The following HYDIN variants were observed in gnomAD, a reference collection of about 807,000 sequenced individuals.
The protein encoded by HYDIN is HYDIN axonemal central pair apparatus protein, also known as axonemal central pair apparatus protein HYDIN.
A neutral mutation model predicts 403.9 loss-of-function variants in HYDIN; 132 were observed. The ratio of observed to expected loss-of-function variants is 0.33; its 90% confidence interval spans 0.28 to 0.38. The LOEUF is 0.38. HYDIN is among the 10% of genes least tolerant of loss of function. HYDIN has a pLI of 1.00. For synonymous variants in HYDIN, 1,202 were observed against 1,891.7 expected, an observed-to-expected ratio of 0.64 and a Z score of 9.46; for missense variants, 2,827 against 5,009.5, an observed-to-expected ratio of 0.56 and a Z score of 13.15.
chr16:70,828,825 A>G (rs537682941), intron 81 of HYDIN, among the ~76,000 whole-genome samples: 91 of 151,936 alleles, frequency 6.0e-4, no homozygotes, highest in Non-Finnish European at 1.1e-3. Context: ...AAATAGAAAA[A>G]TGCTACTGCT....
At chr16:71,010,217 C>T (rs2080035178) in intron 23 of HYDIN, among the ~76,000 whole-genome samples, 1 of 151,472 alleles carries the variant, frequency 6.6e-6, no homozygotes, top group South Asian at 2.1e-4. Flanking sequence ...CCTCTGGCCC[C>T]AGGGCTAAAT....
chr16:71,076,138 G>T (rs1464256816), intron 13 of HYDIN: 1 of 172,370 alleles, frequency 5.8e-6, no homozygotes, highest in Non-Finnish European at 1.3e-5. Context: ...ATACCTCAAT[G>T]GCTATGAAGG....
rs1478889210 is a variant in HYDIN, at chr16:70,805,222, G to A, written c.*2358C>T. Among the ~76,000 whole-genome samples, 1 of 152,186 alleles carries A rather than the reference G, an allele frequency of 6.6e-6. No individual in the cohort carries two copies. The highest frequency in any genetic ancestry group is 2.4e-5 in the African/African-American group (1 of 41,436). ...TGAAAGAGTTATGGCTGTGGGTTTG[G>A]CAAATGTCAAGTTTTGCCAGGTACC... On this transcript the variant is annotated 3_prime_UTR_variant, in exon 86 of 86. Transcript: ENST00000393567.
intron 5 of HYDIN, among the ~76,000 whole-genome samples, chr16:71,172,985 T>A (rs773896859): frequency 1.6e-4 from 25 of 152,222 alleles, no homozygotes; most frequent in Non-Finnish European, 1.3e-4. Flanking sequence ...CCCTAGCAGG[T>A]CATTCTGCGC....
At chr16:71,164,736 T>C (rs1426790325) in intron 5 of HYDIN, among the ~76,000 whole-genome samples, 3 of 108,122 alleles carry the variant, frequency 2.8e-5, no homozygotes. Flanking sequence ...TGAATGTCAC[T>C]GCCTGCTACT....
At chr16:71,122,600 C>T (rs188675731) in intron 9 of HYDIN, among the ~76,000 whole-genome samples, 3 of 77,334 alleles carry the variant, frequency 3.9e-5, no homozygotes, top group Non-Finnish European at 4.9e-5. Flanking sequence ...ATCTGGACTT[C>T]CACCCAACCT....
chr16:70,853,412 A>G (rs1475948953), intron 73 of HYDIN, among the ~76,000 whole-genome samples: 2 of 150,348 alleles, frequency 1.3e-5, no homozygotes, highest in South Asian at 2.1e-4. Flanking sequence ...TGTACATGAA[A>G]GTTTATAGTA....
At chr16:71,032,161 T>C (rs183433891) in intron 18 of HYDIN, among the ~76,000 whole-genome samples, 76 of 152,272 alleles carry the variant, frequency 5.0e-4, no homozygotes, top group African/African-American at 1.6e-3. Context: ...TTTACATCTC[T>C]TTCGCAAGAT....
chr16:71,152,928 T>C, intron 6 of HYDIN, 145 bp from the exon 7 acceptor site: 1 of 634,102 alleles, frequency 1.6e-6, no homozygotes, highest in Non-Finnish European at 2.7e-6. Flanking sequence ...AGACTTTTGC[T>C]ACCTAATGTG....
intron 23 of HYDIN, among the ~76,000 whole-genome samples, chr16:71,017,287 T>C (rs2080294257): frequency 6.7e-6 from 1 of 149,454 alleles, no homozygotes; most frequent in African/African-American, 2.5e-5. Flanking sequence ...GAGGCAGAGG[T>C]TGCAGTGAGC....
chr16:70,984,715 T>C (rs116991838), intron 28 of HYDIN, among the ~76,000 whole-genome samples: 1 of 136,762 alleles, frequency 7.3e-6, no homozygotes, highest in African/African-American at 3.1e-5. Flanking sequence ...ATTTTCATAA[T>C]GAGAAAAATT....
intron 25 of HYDIN, among the ~76,000 whole-genome samples, chr16:70,989,723 TC>T (rs2079284471): frequency 6.6e-6 from 1 of 152,222 alleles, no homozygotes. Context: ...AAGACTTCTA[TC>T]CCTACAGTTC....
At chr16:70,962,743 C>T (rs1247064516) in intron 37 of HYDIN, among the ~76,000 whole-genome samples, 1 of 146,484 alleles carries the variant, frequency 6.8e-6, no homozygotes, top group Non-Finnish European at 1.5e-5. Flanking sequence ...TACTACAGGG[C>T]AAGACATTCC....
At chr16:71,066,920 A>G (rs776737088) in intron 15 of HYDIN, 2 of 610,686 alleles carry the variant, frequency 3.3e-6, no homozygotes, top group South Asian at 3.0e-5. Flanking sequence ...TTCCTATTGC[A>G]TAACTCTGGA....
rs756118481 is a variant in HYDIN, at chr16:70,837,812, A to T, written c.13120T>A (p.Leu4374Met). The change falls in exon 77 of 86, where the codon TTG (leucine) becomes ATG (methionine). Residue 4374 changes from leucine to methionine, a missense_variant. Coordinates refer to ENST00000393567, the MANE Select transcript of HYDIN (RefSeq NM_001270974.2). ...GGATAAAAAGTTATTGGAATCTCCAATGTGTTTCCTGGCTTTACCACATCA... is the reference window on the plus strand; with the variant it reads ...GGATAAAAAGTTATTGGAATCTCCATTGTGTTTCCTGGCTTTACCACATCA... Reference protein sequence around the residue: ...RVDVVKPGNTLEIPITFYPRE... With the variant: ...RVDVVKPGNTMEIPITFYPRE... 4.3e-6 allele frequency: 7 copies of T among 1,613,878 alleles called. No individual in the cohort carries two copies. The African/African-American group carries it at 9.3e-5, about 22-fold the overall frequency.
At chr16:71,151,356 C>T (rs557948534) in intron 7 of HYDIN, among the ~76,000 whole-genome samples, 5 of 152,080 alleles carry the variant, frequency 3.3e-5, no homozygotes, top group Admixed American at 6.5e-5. Flanking sequence ...GGGCTTGAGT[C>T]GTCCTCCTCA....
At chr16:71,089,294 T>C (rs867591990) in intron 11 of HYDIN, among the ~76,000 whole-genome samples, 4 of 152,142 alleles carry the variant, frequency 2.6e-5, no homozygotes, top group Non-Finnish European at 5.9e-5. Flanking sequence ...CAGTCTACTG[T>C]CCCTACAATT....
At chr16:70,895,923 A>G in intron 54 of HYDIN, 58 bp downstream of exon 54, 1 of 1,531,848 alleles carries the variant, frequency 6.5e-7, no homozygotes, top group African/African-American at 1.6e-5. Context: ...CTACACAGAA[A>G]TACACTATAC....
chr16:71,058,554 T>C (rs2081976271), intron 18 of HYDIN, among the ~76,000 whole-genome samples: 1 of 133,152 alleles, frequency 7.5e-6, no homozygotes, highest in African/African-American at 2.8e-5. Flanking sequence ...GTAACTAACC[T>C]GCACAATGTG....
Sources: allele counts gnomAD v4.1 joint callset (sites outside exome capture counted in the v4.1 genomes callset), GRCh38; gene constraint gnomAD v4.1.1; transcripts MANE v1.5; gene names NCBI Gene and HGNC (gene_info 2026-07-23, HGNC 2026-07-21).